NOTCH1: variants seen among roughly 807,000 people sequenced by gnomAD.
The protein encoded by NOTCH1 is neurogenic locus notch homolog protein 1.
Under a neutral mutation model 254.8 loss-of-function variants are expected in NOTCH1, and 37 were observed. The observed-to-expected ratio is 0.15, with a 90% CI of 0.11 to 0.19. The LOEUF (loss-of-function observed/expected upper bound fraction) is 0.19, where lower values mean the gene tolerates loss of function less well. Among genes scored for constraint, NOTCH1 ranks in the 10% least tolerant of loss-of-function variants. NOTCH1 has a pLI of 1.00. For synonymous variants in NOTCH1, 1,731 were observed against 1,618.1 expected (o/e 1.07, Z -1.68); for missense variants, 2,972 against 3,708.6 (o/e 0.80, Z 5.16).
chr9:136,503,017 G>A, intron 27 of NOTCH1, 165 bp downstream of exon 27: 1 of 1,001,582 alleles, frequency 1.0e-6, no homozygotes. Flanking sequence ...CCGCAGGTGG[G>A]GGCGGAGTGC....
chr9:136,510,889 G>A, intron 16 of NOTCH1, 84 bp from the exon 17 acceptor site: 1 of 1,570,926 alleles, frequency 6.4e-7, no homozygotes, highest in Non-Finnish European at 8.6e-7. Flanking sequence ...CACCTACAGT[G>A]CCTCTCCCGA....
At chr9:136,536,324 C>T (rs1054448369) in intron 2 of NOTCH1, among the ~76,000 whole-genome samples, 1 of 152,180 alleles carries the variant, frequency 6.6e-6, no homozygotes. Context: ...GAGAGGACAC[C>T]ATCTGTGTCT....
chr9:136,498,564 G>A (rs1245635797), intron 33 of NOTCH1, among the ~76,000 whole-genome samples: 31 of 152,142 alleles, frequency 2.0e-4, no homozygotes, highest in South Asian at 4.1e-4. Context: ...TCCAGGTGAC[G>A]GTGACACAGC....
Position 136,508,435 on chromosome 9 carries a change from C to T in NOTCH1, c.3172-50G>A, listed in dbSNP as rs769875668. 1.3e-5 allele frequency: 21 copies of T among 1,611,622 alleles called. No homozygotes were observed. In the Middle Eastern group the frequency reaches 5.0e-4, roughly 39 times the overall value. On this transcript the variant is annotated intron_variant, in intron 19 of 33. Transcript: ENST00000651671. ...GGTGCCCGCGCCCCGGCCATTTCCCCGGTAGCTCAGAACGCACATCTGCCA... is the reference window on the plus strand; with the variant it reads ...GGTGCCCGCGCCCCGGCCATTTCCCTGGTAGCTCAGAACGCACATCTGCCA...
intron 31 of NOTCH1, 83 bp downstream of exon 31, chr9:136,500,469 G>A (rs1842977749): frequency 6.5e-7 from 1 of 1,544,182 alleles, no homozygotes; most frequent in Non-Finnish European, 8.8e-7. Context: ...CAGGCTCCCA[G>A]GGCCACGTAA....
intron 8 of NOTCH1, 109 bp from the exon 9 acceptor site, chr9:136,517,494 G>C: frequency 1.1e-6 from 1 of 876,618 alleles, no homozygotes; most frequent in East Asian, 2.7e-5. Flanking sequence ...CAGTGTCCCA[G>C]CCACCACGGG....
Position 136,502,748 on chromosome 9 carries a change from A to C in NOTCH1, c.5168-260T>G, listed in dbSNP as rs1049553033. 4 of 572,610 alleles carry C rather than the reference A, an allele frequency of 7.0e-6. No homozygotes were observed. In the African/African-American group the frequency reaches 7.5e-5, roughly 11 times the overall value. The allele number at this position is 572,610 out of a possible 1,614,324, so 35.5% of individuals were successfully genotyped here. ...CTCCTTTAAGGAAGGAGGATTAGTC[A>C]ACTTCAAATCGCTGCACTCGCACTG... On this transcript the variant is annotated intron_variant, in intron 27 of 33. Transcript: ENST00000651671.
chr9:136,528,425 ATGGGCAGGGACGGTGAGG>A (rs1157249684), intron 2 of NOTCH1, among the ~76,000 whole-genome samples: 8 of 15,136 alleles, frequency 5.3e-4, no homozygotes, highest in Admixed American at 8.8e-4. Flanking sequence ...TGCGGGGGGG[ATGGGCAGGGACGGTGAGG>A]GGGGGATGGG....
At chr9:136,497,953 G>A (rs951290090) in intron 33 of NOTCH1, among the ~76,000 whole-genome samples, 3 of 152,184 alleles carry the variant, frequency 2.0e-5, no homozygotes, top group South Asian at 2.1e-4. Flanking sequence ...GAGGGAGCTC[G>A]TCATCTGGAC....
chr9:136,512,586 C>T (rs1843198358), intron 15 of NOTCH1, among the ~76,000 whole-genome samples: 1 of 152,164 alleles, frequency 6.6e-6, no homozygotes, highest in African/African-American at 2.4e-5. Flanking sequence ...GTCCGGCTGG[C>T]GGGGGTGGGG....
At position 136,498,663 on chromosome 9, in the gene NOTCH1, C is replaced by T. The variant is rs968624449; in HGVS notation, c.6180+236G>A. 6.6e-5 allele frequency among the ~76,000 whole-genome samples: 10 copies of T among 152,302 alleles called. No homozygotes were observed. In the East Asian group the frequency reaches 1.4e-3, roughly 21 times the overall value. On this transcript the variant is annotated intron_variant, in intron 33 of 33. Transcript: ENST00000651671. The stretch of plus-strand genomic sequence containing the variant: ...GTAGGGCTGGGTCTGAGGGGCGAGC[C>T]GCCGTGTCCTGACAGCTGGACCTGC...
Position 136,513,669 on chromosome 9 carries a change from T to C in NOTCH1, c.2208-132A>G. 9.8e-7 allele frequency: 1 copy of C among 1,020,758 alleles called. No homozygotes were observed. Among genetic ancestry groups the C allele is most frequent in the Non-Finnish European group, 1.5e-6 (1 of 683,174 alleles). 63.2% of individuals were successfully genotyped at this position (1,020,758 alleles called of 1,614,324 possible). On this transcript the variant is annotated intron_variant, in intron 13 of 33. Coordinates refer to ENST00000651671, the MANE Select transcript of NOTCH1 (RefSeq NM_017617.5). The surrounding 1 kb of genome is among the most constrained non-coding windows in gnomAD (Gnocchi z 4.7). ...CACTCAGACTCGCAGAGTCCTTTAG[T>C]GGGGGCAGGCTGGGCGCTGTGGCTC...
intron 2 of NOTCH1, among the ~76,000 whole-genome samples, chr9:136,534,056 G>C (rs1013507557): frequency 6.6e-6 from 1 of 152,232 alleles, no homozygotes; most frequent in Non-Finnish European, 1.5e-5. Flanking sequence ...ATCTCGGCAC[G>C]AGGGCGACCG....
In NOTCH1 at chr9:136,502,501, G is replaced by GCCCCT; in HGVS notation, c.5168-14_5168-13insAGGGG. 6.7e-7 allele frequency: 1 copy of GCCCCT among 1,497,356 alleles called. No individual in the cohort carries two copies. The highest frequency in any genetic ancestry group is 1.3e-5 in the South Asian group (1 of 79,372). The allele number at this position is 1,497,356 out of a possible 1,614,324, so 92.8% of individuals were successfully genotyped here. A position where few individuals can be genotyped will look rare whatever the true frequency, so the allele number is the denominator to read the frequency against. The stretch of plus-strand genomic sequence containing the variant: ...TCCACGGTCTCACCTGCGGGCACGG[G>GCCCCT]GGCCAGGGGCAGGTGCCCGGACATC... On this transcript the variant is annotated splice_polypyrimidine_tract_variant and intron_variant, in intron 27 of 33. Transcript: ENST00000651671.
chr9:136,518,413 C>A, intron 6 of NOTCH1, 121 bp from the exon 7 acceptor site: 1 of 1,355,304 alleles, frequency 7.4e-7, no homozygotes, highest in Non-Finnish European at 1.0e-6. Context: ...CCCCGTCGGG[C>A]ATCCCGTGAC....
In NOTCH1 at chr9:136,506,103, G is replaced by A. The variant is rs916354484; in HGVS notation, c.4015-222C>T. On this transcript the variant is annotated intron_variant, in intron 24 of 33. Transcript: ENST00000651671. The surrounding 1 kb of genome is among the most constrained non-coding windows in gnomAD (Gnocchi z 4.5). ...AGATGGAGGAAGGGGTAAACTGGTG[G>A]AGTGCTGAGGACTTTAGGGCAGGGA... Among the ~76,000 whole-genome samples, 2 of 152,198 alleles carry A rather than the reference G, an allele frequency of 1.3e-5. No homozygotes were observed. The highest frequency in any genetic ancestry group is 4.8e-5 in the African/African-American group (2 of 41,450).
intron 26 of NOTCH1, among the ~76,000 whole-genome samples, chr9:136,503,652 A>T (rs1425087384): frequency 6.6e-6 from 1 of 152,150 alleles, no homozygotes; most frequent in Non-Finnish European, 1.5e-5. Context: ...ATGTGCCAGG[A>T]GCCCAGTCCT....
intron 2 of NOTCH1, among the ~76,000 whole-genome samples, chr9:136,534,430 G>C (rs1331855025): frequency 6.6e-6 from 1 of 152,172 alleles, no homozygotes; most frequent in East Asian, 1.9e-4. Flanking sequence ...AGCAAGGTCG[G>C]GGCGTGTCAC....
At chr9:136,535,280 C>A (rs1843627634) in intron 2 of NOTCH1, among the ~76,000 whole-genome samples, 1 of 151,964 alleles carries the variant, frequency 6.6e-6, no homozygotes, top group South Asian at 2.1e-4. Context: ...GGGGACCCAC[C>A]CGAAGCCACC....
Sources: allele counts gnomAD v4.1 joint callset (sites outside exome capture counted in the v4.1 genomes callset), GRCh38; gene constraint gnomAD v4.1.1; non-coding constraint Gnocchi (gnomAD v3.1); transcripts MANE v1.5; gene names NCBI Gene and HGNC (gene_info 2026-07-23, HGNC 2026-07-21).